Variants in POLR2C observed in about 807,000 individuals in gnomAD.
POLR2C encodes the protein DNA-directed RNA polymerase II subunit RPB3.
POLR2C carries 36 observed loss-of-function variants against 41.7 expected under a neutral mutation model. The observed-to-expected ratio is 0.86, with a 90% CI of 0.66 to 1.14. The LOEUF (loss-of-function observed/expected upper bound fraction) is 1.14. Among genes scored for constraint, POLR2C ranks in the 50% most tolerant of loss-of-function variants. The probability of loss-of-function intolerance (pLI) is 0.00; values close to 1 mark genes in which losing one functional copy is unlikely to be tolerated. For synonymous variants in POLR2C, 133 were observed against 137.8 expected, an observed-to-expected ratio of 0.96 and a Z score of 0.25; for missense variants, 260 against 350.4, an observed-to-expected ratio of 0.74 and a Z score of 2.06.
Position 57,469,185 on chromosome 16 carries a change from C to G in POLR2C, c.279C>G (p.Phe93Leu), listed in dbSNP as rs1397509488. The G allele has an allele frequency of 6.2e-7, 1 of 1,614,030 alleles. No individual in the cohort carries two copies. The highest frequency in any genetic ancestry group is 1.3e-5 in the African/African-American group (1 of 74,920). The change falls in exon 5 of 9, where the codon TTC becomes TTG. Residue 93 changes from phenylalanine (F) to leucine (L), a missense_variant. By Grantham distance (22) the Phe-to-Leu change is conservative. Transcript: ENST00000219252. This position sits in a 1 kb window ranked among gnomAD's most constrained non-coding sequence, Gnocchi z 5.8. The part of the protein sequence containing the change: ...QYSRDCTCEE[F>L]CPECSVEFTL... The stretch of plus-strand genomic sequence containing the variant: ...CTTAGGACTGCACATGTGAGGAGTT[C>G]TGCCCCGAGTGCTCGGTGGAGTTCA...
At chr16:57,463,748 G>C (rs2030638223) in intron 2 of POLR2C, 2 of 391,438 alleles carry the variant, frequency 5.1e-6, no homozygotes, top group Non-Finnish European at 1.0e-5. Flanking sequence ...TTTGAGACCA[G>C]CCTGGCCAAC....
chr16:57,464,973 G>C (rs223838), intron 2 of POLR2C, among the ~76,000 whole-genome samples: 119,030 of 152,124 alleles, frequency 0.78, 47,414 homozygotes, highest in African/African-American at 0.93. Flanking sequence ...CAAGTGTCTT[G>C]AGGGAAGTCT....
At chr16:57,465,314 T>C (rs1465288770) in intron 2 of POLR2C, among the ~76,000 whole-genome samples, 1 of 152,208 alleles carries the variant, frequency 6.6e-6, no homozygotes, top group Non-Finnish European at 1.5e-5. Flanking sequence ...ATTTGATTCC[T>C]GGATTTAGTT....
Position 57,469,108 on chromosome 16 carries a change from C to G in POLR2C, c.259-57C>G. The G allele has an allele frequency of 1.9e-6, 3 of 1,576,122 alleles. No individual in the cohort carries two copies. The highest frequency in any genetic ancestry group is 1.3e-5 in the African/African-American group (1 of 74,142). On this transcript the variant is annotated intron_variant, in intron 4 of 8. Coordinates refer to ENST00000219252, the MANE Select transcript of POLR2C (RefSeq NM_032940.3). This position sits in a 1 kb window ranked among gnomAD's most constrained non-coding sequence, Gnocchi z 5.8. ...AGATGCAGGAAGCCAAGACAAGGAGCCAAGGCAGGAGTTGCCATCTCCCTT... is the reference window on the plus strand; with the variant it reads ...AGATGCAGGAAGCCAAGACAAGGAGGCAAGGCAGGAGTTGCCATCTCCCTT...
chr16:57,468,686 A>T (rs758362723), intron 4 of POLR2C, among the ~76,000 whole-genome samples: 1 of 152,116 alleles, frequency 6.6e-6, no homozygotes, highest in Non-Finnish European at 1.5e-5. Context: ...CCATAATAGA[A>T]AGGATTTTTT....
rs1567584410 is a variant in POLR2C at position 57,470,066 on chromosome 16, T to C, written c.545T>C (p.Val182Ala). 2 of 1,613,950 alleles carry C rather than the reference T, an allele frequency of 1.2e-6. No individual in the cohort carries two copies. Among genetic ancestry groups the C allele is most frequent in the Admixed American group, 1.7e-5 (1 of 59,986 alleles). The stretch of plus-strand genomic sequence containing the variant: ...GCCAAGTGGAACCCTACTGCAGGGG[T>C]GGCTTTTGAATACGATCCAGACAAT... ...EHAKWNPTAG[V>A]AFEYDPDNAL... Residue 182 changes from valine (V) to alanine (A), a missense_variant, in exon 7 of 9, where the codon GTG becomes GCG. Val to Ala is a moderately conservative substitution (Grantham distance 64). Transcript: ENST00000219252.
intron 2 of POLR2C, among the ~76,000 whole-genome samples, chr16:57,464,673 C>T (rs1462810281): frequency 7.5e-5 from 10 of 133,502 alleles, no homozygotes; most frequent in East Asian, 5.4e-4. Context: ...CACCCCCCCG[C>T]CCCCCAGTCA....
intron 1 of POLR2C, 58 bp from the exon 2 acceptor site, chr16:57,462,971 C>G: frequency 6.6e-7 from 1 of 1,511,806 alleles, no homozygotes; most frequent in South Asian, 1.1e-5. Flanking sequence ...GCCTGCGGCG[C>G]GGGCCCAGCC....
At position 57,469,969 on chromosome 16, in the gene POLR2C, A is replaced by G. The variant is rs771480905; in HGVS notation, c.448A>G (p.Ile150Val). Reference protein sequence around the residue: ...NDYVEQDDILIVKLRKGQELR... With the variant: ...NDYVEQDDILVVKLRKGQELR... ...TGTGCCTCTCCCTGCAGACATCCTC[A>G]TCGTCAAGTTGAGAAAGGGCCAGGA... Residue 150 changes from isoleucine to valine, a missense_variant, in exon 7 of 9, where the codon ATC becomes GTC. By Grantham distance (29) the Ile-to-Val change is conservative. Coordinates refer to ENST00000219252, the MANE Select transcript of POLR2C (RefSeq NM_032940.3). This position sits in a 1 kb window ranked among gnomAD's most constrained non-coding sequence, Gnocchi z 5.8. 1.2e-5 allele frequency: 19 copies of G among 1,613,510 alleles called. No individual in the cohort carries two copies. In the African/African-American group the frequency reaches 1.9e-4, roughly 16 times the overall value.
intron 8 of POLR2C, 66 bp downstream of exon 8, chr16:57,470,420 G>A (rs2030805356): frequency 3.3e-6 from 4 of 1,201,486 alleles, no homozygotes; most frequent in African/African-American, 3.1e-5. Context: ...TTCAGGCCGT[G>A]AGTTAGGCAT....
Position 57,469,873 on chromosome 16 carries a change from G to A in POLR2C, c.440-88G>A. 3 of 1,579,028 alleles carry A rather than the reference G, an allele frequency of 1.9e-6. No homozygotes were observed. Among genetic ancestry groups the A allele is most frequent in the South Asian group, 1.1e-5 (1 of 90,390 alleles). On this transcript the variant is annotated intron_variant, in intron 6 of 8. Transcript: ENST00000219252. The surrounding 1 kb of genome is among the most constrained non-coding windows in gnomAD (Gnocchi z 5.8). Reference sequence around the variant, plus strand: ...TTGGCTTTAGACCGTTTTTCCAGATGTGTGTGGTCTTGCAGTGGCACTCCA... The same window carrying A: ...TTGGCTTTAGACCGTTTTTCCAGATATGTGTGGTCTTGCAGTGGCACTCCA...
In POLR2C at chr16:57,469,973, T is replaced by TTGAGGAG; in HGVS notation, c.452_453insTGAGGAG (p.Lys152GlufsTer36). On this transcript the variant is annotated frameshift_variant, in exon 7 of 9. Transcript: ENST00000219252. LOFTEE classifies it high-confidence loss of function. The surrounding 1 kb of genome is among the most constrained non-coding windows in gnomAD (Gnocchi z 5.8). ...CCTCTCCCTGCAGACATCCTCATCG[T>TTGAGGAG]CAAGTTGAGAAAGGGCCAGGAGCTG... 6.2e-7 allele frequency: 1 copy of TTGAGGAG among 1,613,794 alleles called. No homozygotes were observed. The highest frequency in any genetic ancestry group is 8.5e-7 in the Non-Finnish European group (1 of 1,179,932).
At position 57,469,836 on chromosome 16, in the gene POLR2C, TCTC is replaced by T. The variant is rs1348465997; in HGVS notation, c.439+79_439+81del. 29 of 1,571,328 alleles carry T rather than the reference TCTC, an allele frequency of 1.8e-5. No individual in the cohort carries two copies. Among genetic ancestry groups the T allele is most frequent in the Non-Finnish European group, 2.5e-5 (29 of 1,142,166 alleles). On this transcript the variant is annotated intron_variant, in intron 6 of 8. Transcript: ENST00000219252. The surrounding 1 kb of genome is among the most constrained non-coding windows in gnomAD (Gnocchi z 5.8). ...AGACACAGCCTCTCGTGCTGCCTGG[TCTC>T]CTCGAAAATTGGCTTTAGACCGTTT...
In POLR2C at chr16:57,471,188, G is replaced by C; in HGVS notation, c.*69G>C. The C allele has an allele frequency of 3.0e-6, 4 of 1,338,066 alleles. No individual in the cohort carries two copies. Among genetic ancestry groups the C allele is most frequent in the Non-Finnish European group, 4.3e-6 (4 of 938,752 alleles). 82.9% of individuals were successfully genotyped at this position (1,338,066 alleles called of 1,614,324 possible). Reference sequence around the variant, plus strand: ...AGCTGGATATGGGGGTCTCTCTTCAGACTCTTCTCGTTTCTGAGAATCTAG... The same window carrying C: ...AGCTGGATATGGGGGTCTCTCTTCACACTCTTCTCGTTTCTGAGAATCTAG... On this transcript the variant is annotated 3_prime_UTR_variant, in exon 9 of 9. Transcript: ENST00000219252.
At chr16:57,466,728 T>C (rs1206310191) in intron 4 of POLR2C, among the ~76,000 whole-genome samples, 1 of 152,156 alleles carries the variant, frequency 6.6e-6, no homozygotes, top group Non-Finnish European at 1.5e-5. Context: ...CCTGATGGCA[T>C]GTTAACAGGC....
intron 4 of POLR2C, 110 bp downstream of exon 4, chr16:57,466,337 A>G (rs1214423725): frequency 1.3e-6 from 1 of 747,284 alleles, no homozygotes; most frequent in Non-Finnish European, 2.3e-6. Context: ...TAGTTCTGGA[A>G]CAACAACGTG....
intron 2 of POLR2C, chr16:57,463,680 G>A (rs1377653661): frequency 6.6e-6 from 3 of 452,502 alleles, no homozygotes; most frequent in South Asian, 3.1e-5. Context: ...GGCCGCGCTC[G>A]CGCCTGTAAT....
intron 7 of POLR2C, 67 bp downstream of exon 7, chr16:57,470,196 A>T: frequency 6.3e-7 from 1 of 1,595,074 alleles, no homozygotes; most frequent in East Asian, 2.2e-5. Flanking sequence ...GCTGTTGTTG[A>T]CTGAGATGTG....
In POLR2C at chr16:57,469,448, C is replaced by T. The variant is rs170365; in HGVS notation, c.387+155C>T. 107,720 of 857,556 alleles carry T rather than the reference C, an allele frequency of 0.13. 9,870 individuals carry two copies. Among genetic ancestry groups the T allele is most frequent in the African/African-American group, 0.4 (24,016 of 59,544 alleles). The allele number at this position is 857,556 out of a possible 1,614,324, so 53.1% of individuals were successfully genotyped here. ...CCCTAGAAGTGCTAATTCTGGATTC[C>T]TCTTGGGCATCGTTAGCATCGTTGG... On this transcript the variant is annotated intron_variant, in intron 5 of 8. Coordinates refer to ENST00000219252, the MANE Select transcript of POLR2C (RefSeq NM_032940.3). This position sits in a 1 kb window ranked among gnomAD's most constrained non-coding sequence, Gnocchi z 5.8.
Sources: allele counts gnomAD v4.1 joint callset (sites outside exome capture counted in the v4.1 genomes callset), GRCh38; gene constraint gnomAD v4.1.1; non-coding constraint Gnocchi (gnomAD v3.1); transcripts MANE v1.5; gene names NCBI Gene and HGNC (gene_info 2026-07-23, HGNC 2026-07-21).